The following PPARG variants were observed in gnomAD, a reference collection of about 807,000 sequenced individuals.
The protein encoded by PPARG is peroxisome proliferator-activated receptor gamma.
Under a neutral mutation model 39.2 loss-of-function variants are expected in PPARG, and 17 were observed. That is an observed-to-expected ratio of 0.43 (90% CI 0.30 to 0.65). The LOEUF (loss-of-function observed/expected upper bound fraction) is 0.65. Among genes scored for constraint, PPARG ranks in the 30% least tolerant of loss-of-function variants. PPARG has a pLI of 0.13. For synonymous variants in PPARG, 223 were observed against 215.7 expected (o/e 1.03, Z -0.30); for missense variants, 406 against 585.9 (o/e 0.69, Z 3.17).
chr3:12,352,421 C>A (rs1167143477), intron 2 of PPARG, among the ~76,000 whole-genome samples: 1 of 152,156 alleles, frequency 6.6e-6, no homozygotes. Context: ...TTCAATATTT[C>A]TTTCTTGGCC....
intron 5 of PPARG, among the ~76,000 whole-genome samples, chr3:12,405,212 A>T (rs2050616966): frequency 6.6e-6 from 1 of 152,128 alleles, no homozygotes; most frequent in Admixed American, 6.5e-5. Flanking sequence ...TCTTTCTTTC[A>T]TTATCTTCTT....
At chr3:12,398,979 T>A (rs780339304) in intron 5 of PPARG, among the ~76,000 whole-genome samples, 71 of 151,904 alleles carry the variant, frequency 4.7e-4, no homozygotes, top group Non-Finnish European at 9.7e-4. Context: ...AATAGTAGAG[T>A]CAGAACCTTC....
At position 12,423,039 on chromosome 3, in the gene PPARG, T is replaced by TGG. The variant is rs543673430; in HGVS notation, c.1180+5886_1180+5887dup. Reference sequence around the variant, plus strand: ...AATTGCTTGAGGAGGGAGTAGGGCCTGGTGATAGAGCTAAAGACTAGTGTT... The same window carrying TGG: ...AATTGCTTGAGGAGGGAGTAGGGCCTGGGGTGATAGAGCTAAAGACTAGTGTT... On this transcript the variant is annotated intron_variant, in intron 7 of 7. Transcript: ENST00000651735. Among the ~76,000 whole-genome samples the TGG allele has an allele frequency of 8.4e-4, 128 of 152,280 alleles. 1 individual carries two copies. The highest frequency in any genetic ancestry group is 3.1e-3 in the African/African-American group (127 of 41,560).
chr3:12,300,438 G>A (rs1458769133), intron 1 of PPARG, among the ~76,000 whole-genome samples: 5 of 152,202 alleles, frequency 3.3e-5, no homozygotes, highest in Non-Finnish European at 7.3e-5. Context: ...GACTTAGCCT[G>A]CTGTATGATC....
At chr3:12,329,162 A>C (rs2047779205) in intron 2 of PPARG, among the ~76,000 whole-genome samples, 1 of 113,374 alleles carries the variant, frequency 8.8e-6, no homozygotes, top group South Asian at 2.5e-4. Context: ...AAATACTCAA[A>C]ATGCAAAAAA....
intron 7 of PPARG, among the ~76,000 whole-genome samples, chr3:12,418,590 C>G (rs1187119708): frequency 2.0e-5 from 3 of 152,136 alleles, no homozygotes; most frequent in African/African-American, 7.2e-5. Context: ...TTGCTGTGTG[C>G]CAGGCAGTGT....
At chr3:12,334,422 G>A (rs1194274903) in intron 2 of PPARG, among the ~76,000 whole-genome samples, 2 of 151,856 alleles carry the variant, frequency 1.3e-5, no homozygotes, top group Non-Finnish European at 2.9e-5. Flanking sequence ...GTAGAGATGG[G>A]TTTTCGCCAT....
intron 5 of PPARG, among the ~76,000 whole-genome samples, chr3:12,401,956 A>G (rs1360721069): frequency 1.3e-5 from 2 of 152,170 alleles, no homozygotes; most frequent in African/African-American, 4.8e-5. Flanking sequence ...TTTTCGGGGT[A>G]TTTTTTGGTT....
At chr3:12,426,947 A>G (rs1446973848) in intron 7 of PPARG, among the ~76,000 whole-genome samples, 4 of 152,176 alleles carry the variant, frequency 2.6e-5, no homozygotes, top group Non-Finnish European at 5.9e-5. Flanking sequence ...AGAATCACCC[A>G]AGAGCTATTA....
chr3:12,297,780 C>G (rs900079124), intron 1 of PPARG: 1 of 152,048 alleles, frequency 6.6e-6, no homozygotes, highest in Non-Finnish European at 1.5e-5. Flanking sequence ...TCCAGAGTTA[C>G]TTTCTTTTAA....
At chr3:12,298,095 C>G (rs559693935) in intron 1 of PPARG, among the ~76,000 whole-genome samples, 1 of 150,636 alleles carries the variant, frequency 6.6e-6, no homozygotes, top group African/African-American at 2.4e-5. Context: ...GTCAGGAGAT[C>G]GAGACCATCC....
intron 2 of PPARG, among the ~76,000 whole-genome samples, chr3:12,328,783 C>A (rs1224066264): frequency 6.6e-6 from 1 of 152,198 alleles, no homozygotes; most frequent in Admixed American, 6.5e-5. Flanking sequence ...GCTTTCAGGC[C>A]TACATGTAGC....
At chr3:12,367,697 TAAAAATAA>T (rs1033308796) in intron 2 of PPARG, among the ~76,000 whole-genome samples, 1 of 146,916 alleles carries the variant, frequency 6.8e-6, no homozygotes, top group African/African-American at 2.5e-5. Context: ...AAAAAAAAAA[TAAAAATAA>T]AAAAATAAAA....
At chr3:12,422,189 C>T (rs1410090341) in intron 7 of PPARG, among the ~76,000 whole-genome samples, 1 of 152,084 alleles carries the variant, frequency 6.6e-6, no homozygotes, top group Non-Finnish European at 1.5e-5. Context: ...AATAATCATC[C>T]GAAATGATTA....
At chr3:12,363,541 CT>C (rs1359225587) in intron 2 of PPARG, among the ~76,000 whole-genome samples, 1 of 152,198 alleles carries the variant, frequency 6.6e-6, no homozygotes, top group Non-Finnish European at 1.5e-5. Flanking sequence ...GGCTTTCCCC[CT>C]ATGGTAATGC....
rs1021650695 is a variant in PPARG at position 12,371,752 on chromosome 3, C to G, written c.-8-7952C>G. Reference sequence around the variant, plus strand: ...AGCTGGGCTCCCGTCCAGTCAGCCTCTAGCTCACCAGGAAACCCTGAGCAG... The same window carrying G: ...AGCTGGGCTCCCGTCCAGTCAGCCTGTAGCTCACCAGGAAACCCTGAGCAG... On this transcript the variant is annotated intron_variant, in intron 2 of 7. Coordinates refer to ENST00000651735, the MANE Select transcript of PPARG (RefSeq NM_138711.6). 5.6e-6 allele frequency: 3 copies of G among 535,044 alleles called. No individual in the cohort carries two copies. In the African/African-American group the frequency reaches 5.6e-5, roughly 10 times the overall value. The allele number at this position is 535,044 out of a possible 1,614,324, so 33.1% of individuals were successfully genotyped here.
intron 4 of PPARG, among the ~76,000 whole-genome samples, chr3:12,384,027 A>G (rs1176455334): frequency 1.3e-5 from 2 of 152,138 alleles, no homozygotes; most frequent in Non-Finnish European, 2.9e-5. Context: ...AACCTGCAGT[A>G]ATTTGCAAAC....
intron 2 of PPARG, among the ~76,000 whole-genome samples, chr3:12,344,372 TG>T (rs1163276965): frequency 6.9e-6 from 1 of 144,868 alleles, no homozygotes; most frequent in African/African-American, 2.6e-5. Context: ...GAATTTATAA[TG>T]TGTCTAATAA....
intron 1 of PPARG, among the ~76,000 whole-genome samples, chr3:12,306,871 G>T (rs2124973938): frequency 6.6e-6 from 1 of 152,122 alleles, no homozygotes; most frequent in African/African-American, 2.4e-5. Context: ...GGCCGAGGCT[G>T]GTGGATCACG....
Sources: allele counts gnomAD v4.1 joint callset (sites outside exome capture counted in the v4.1 genomes callset), GRCh38; gene constraint gnomAD v4.1.1; transcripts MANE v1.5; gene names NCBI Gene and HGNC (gene_info 2026-07-23, HGNC 2026-07-21).